Variants in HK3 observed in about 807,000 individuals in gnomAD.
HK3 encodes hexokinase-3.
Under a neutral mutation model 91.0 loss-of-function variants are expected in HK3, and 93 were observed. That is an observed-to-expected ratio of 1.02 (90% CI 0.86 to 1.21). The LOEUF is 1.21. Ranked by LOEUF, HK3 falls within the 50% of genes most tolerant of loss-of-function variation. The probability of loss-of-function intolerance (pLI) is 0.00; values close to 1 mark genes in which losing one functional copy is unlikely to be tolerated. For missense variants in HK3, 1,235 were observed against 1,247.4 expected (o/e 0.99, Z 0.15); for synonymous variants, 519 against 516.9 (o/e 1.00, Z -0.06).
chr5:176,886,735 C>T (rs1451616770), intron 13 of HK3, among the ~76,000 whole-genome samples: 1 of 152,186 alleles, frequency 6.6e-6, no homozygotes, highest in Non-Finnish European at 1.5e-5. Flanking sequence ...GGCCCACACA[C>T]CAGTGCTATA....
chr5:176,890,608 C>T (rs764028191), intron 6 of HK3, 27 bp downstream of exon 6: 11 of 1,603,766 alleles, frequency 6.9e-6, no homozygotes, highest in Non-Finnish European at 9.4e-6. Context: ...CATGGGCAGC[C>T]CTCCTGTCAC....
intron 3 of HK3, 44 bp downstream of exon 3, chr5:176,891,344 C>T: frequency 1.9e-6 from 3 of 1,608,512 alleles, no homozygotes; most frequent in Non-Finnish European, 2.6e-6. Flanking sequence ...TAGATCAGTA[C>T]CCTCTTCCAG....
chr5:176,891,730 A>T (rs1758781229), intron 2 of HK3, among the ~76,000 whole-genome samples, 180 bp from the exon 3 acceptor site: 1 of 152,150 alleles, frequency 6.6e-6, no homozygotes, highest in Non-Finnish European at 1.5e-5. Flanking sequence ...TGTCCTGGAA[A>T]GAGAACCCAC....
At chr5:176,885,427 A>G (rs1014104857) in intron 13 of HK3, among the ~76,000 whole-genome samples, 5 of 152,028 alleles carry the variant, frequency 3.3e-5, no homozygotes, top group Non-Finnish European at 5.9e-5. Flanking sequence ...TGTGGGCCCA[A>G]CATTTTTTTT....
intron 1 of HK3, among the ~76,000 whole-genome samples, chr5:176,897,706 G>A (rs373103951): frequency 6.6e-6 from 1 of 152,094 alleles, no homozygotes; most frequent in South Asian, 2.1e-4. Context: ...TGAGTCTCTC[G>A]TAGTCTTCAT....
intron 15 of HK3, among the ~76,000 whole-genome samples, chr5:176,883,422 A>G (rs1459479047): frequency 6.6e-6 from 1 of 152,118 alleles, no homozygotes; most frequent in East Asian, 1.9e-4. Context: ...TCTTATCTCC[A>G]TCTTAGAGAT....
intron 2 of HK3, among the ~76,000 whole-genome samples, chr5:176,892,193 C>T (rs771200538): frequency 3.3e-5 from 5 of 152,138 alleles, no homozygotes; most frequent in Admixed American, 6.5e-5. Context: ...AAATTAAGCA[C>T]GTGAACATAC....
intron 2 of HK3, 147 bp from the exon 3 acceptor site, chr5:176,891,697 G>T: frequency 1.3e-6 from 1 of 761,828 alleles, no homozygotes; most frequent in Non-Finnish European, 2.1e-6. Flanking sequence ...CCTGCACCCA[G>T]CTCTGGCATC....
In HK3 at chr5:176,887,519, C is replaced by T. The variant is rs933050310; in HGVS notation, c.1532G>A (p.Gly511Glu). ...AAGGGAGGAGGCCTCCCCTCGGAGC[C>T]CCTTGGCCATGGCCTTCCGCATCTG... ...QAQMRKAMAK[G>E]LRGEASSLRM... Residue 511 changes from glycine to glutamate, a missense_variant, in exon 11 of 19, where the codon GGG becomes GAG. Physicochemically the swap from Gly to Glu is moderately conservative, Grantham distance 98. This residue lies in a region of HK3 where 717 missense variants were observed against 751.6 expected (regional missense o/e 0.95). Transcript: ENST00000292432. The surrounding 1 kb of genome is among the most constrained non-coding windows in gnomAD (Gnocchi z 4.9). 2 of 1,613,678 alleles carry T rather than the reference C, an allele frequency of 1.2e-6. No homozygotes were observed. The highest frequency in any genetic ancestry group is 2.2e-5 in the East Asian group (1 of 44,882).
rs758071527 is a variant in HK3 at position 176,888,578 on chromosome 5, G to T, written c.1071-13C>A. On this transcript the variant is annotated splice_polypyrimidine_tract_variant and intron_variant, in intron 9 of 18. Transcript: ENST00000292432. ...CCCAGTAGAGGGGCTGGAGGGGAAA[G>T]GGAAGTGGTTTGGGGCTCAGCCCAG... 1 of 1,583,744 alleles carries T rather than the reference G, an allele frequency of 6.3e-7. No individual in the cohort carries two copies. Among genetic ancestry groups the T allele is most frequent in the South Asian group, 1.1e-5 (1 of 87,982 alleles).
chr5:176,889,472 C>A lies in HK3; in HGVS notation c.823G>T (p.Gly275Cys). 6.2e-7 allele frequency: 1 copy of A among 1,614,204 alleles called. No individual in the cohort carries two copies. The highest frequency in any genetic ancestry group is 8.5e-7 in the Non-Finnish European group (1 of 1,180,042). ...RGRVCVSVEW[G>C]SFSDDGALGP... ...AGCGCCCCATCATCGCTGAAGGAGC[C>A]CCACTCGACGCTGACGCAGACGCGG... The change falls in exon 8 of 19, where the codon GGC (glycine) becomes TGC (cysteine). Residue 275 changes from glycine to cysteine, a missense_variant. Gly to Cys is a radical substitution (Grantham distance 159). Coordinates refer to ENST00000292432, the MANE Select transcript of HK3 (RefSeq NM_002115.3).
rs1327774137 is a variant in HK3 at position 176,886,993 on chromosome 5, C to T, written c.1857+9G>A. 3 of 1,613,722 alleles carry T rather than the reference C, an allele frequency of 1.9e-6. No homozygotes were observed. In the African/African-American group the frequency reaches 4.0e-5, roughly 22 times the overall value. ...CCCTTGGGAATCACTTCTCTTGGCC[C>T]TCCCTCACCTGGTCTAGGCCAAGCT... On this transcript the variant is annotated intron_variant, in intron 13 of 18. Coordinates refer to ENST00000292432, the MANE Select transcript of HK3 (RefSeq NM_002115.3).
At chr5:176,885,176 G>T (rs1758549462) in intron 13 of HK3, among the ~76,000 whole-genome samples, 1 of 152,182 alleles carries the variant, frequency 6.6e-6, no homozygotes, top group Admixed American at 6.5e-5. Context: ...TGTTCAGAAG[G>T]GATCTGAGAA....
intron 15 of HK3, 129 bp downstream of exon 15, chr5:176,883,641 A>T (rs1758500816): frequency 1.4e-6 from 1 of 692,446 alleles, no homozygotes; most frequent in Non-Finnish European, 2.5e-6. Flanking sequence ...AGATTGTTCC[A>T]GAGCCCTACT....
intron 15 of HK3, among the ~76,000 whole-genome samples, chr5:176,883,085 C>T (rs914741847): frequency 3.3e-5 from 5 of 152,224 alleles, no homozygotes; most frequent in South Asian, 2.1e-4. Flanking sequence ...ATCTTGGCCT[C>T]GCTGCTGCCC....
Position 176,884,044 on chromosome 5 carries a change from T to C in HK3, c.1948A>G (p.Arg650Gly). Residue 650 changes from arginine (R) to glycine (G), a missense_variant, in exon 14 of 19, where the codon AGA becomes GGA. Around this residue, in one of 3 missense-constraint regions of HK3, gnomAD observed 513 missense variants for 477.4 expected, o/e 1.07. Transcript: ENST00000292432. This position sits in a 1 kb window ranked among gnomAD's most constrained non-coding sequence, Gnocchi z 4.1. ...VSLLREAITR[R>G]QAVELNVVAI... ...CCCCTAGAACAGGCTCCTACCTGTC[T>C]GCGAGTGATGGCTTCCCGCAACAGA... is the stretch of plus-strand genomic sequence containing the variant. The C allele has an allele frequency of 2.5e-6, 4 of 1,614,050 alleles. No homozygotes were observed. The highest frequency in any genetic ancestry group is 3.4e-6 in the Non-Finnish European group (4 of 1,179,930).
At chr5:176,893,764 C>T (rs558457197) in intron 2 of HK3, among the ~76,000 whole-genome samples, 1 of 152,262 alleles carries the variant, frequency 6.6e-6, no homozygotes, top group East Asian at 1.9e-4. Flanking sequence ...TAGAAGACAG[C>T]AGAACTGCAA....
chr5:176,890,057 C>A (rs1163141508), intron 6 of HK3, among the ~76,000 whole-genome samples: 1 of 152,140 alleles, frequency 6.6e-6, no homozygotes, highest in Non-Finnish European at 1.5e-5. Context: ...AACTCTGCGC[C>A]TTGCCAGCCT....
chr5:176,891,233 G>T, intron 3 of HK3, 42 bp from the exon 4 acceptor site: 1 of 1,613,866 alleles, frequency 6.2e-7, no homozygotes, highest in South Asian at 1.1e-5. Context: ...CAGCTGGCAA[G>T]ACCAGAGCCC....
Sources: allele counts gnomAD v4.1 joint callset (sites outside exome capture counted in the v4.1 genomes callset), GRCh38; gene constraint gnomAD v4.1.1; regional missense constraint gnomAD v4.1.1; non-coding constraint Gnocchi (gnomAD v3.1); transcripts MANE v1.5; gene names NCBI Gene and HGNC (gene_info 2026-07-23, HGNC 2026-07-21).